Variants in PDE12 observed in about 807,000 individuals in gnomAD.
The protein encoded by PDE12 is phosphodiesterase 12.
Under a neutral mutation model 45.4 loss-of-function variants are expected in PDE12, and 26 were observed. The ratio of observed to expected loss-of-function variants is 0.57; its 90% CI spans 0.42 to 0.79. The LOEUF (loss-of-function observed/expected upper bound fraction) is 0.79, where lower values mean the gene tolerates loss of function less well. Ranked by LOEUF, PDE12 falls within the 30% of genes least tolerant of loss-of-function variation. The pLI, the probability that PDE12 is intolerant of heterozygous loss-of-function variation, is 0.00. For missense variants in PDE12, 668 were observed against 790.0 expected (o/e 0.85, Z 1.85); for synonymous variants, 283 against 323.9 (o/e 0.87, Z 1.36).
At chr3:57,597,025 G>A in the PDE12 span, 3 of 1,595,144 alleles carry the variant, frequency 1.9e-6, no homozygotes, top group Non-Finnish European at 2.6e-6. Context: ...CCCAATTGTG[G>A]AGACCCTGCC....
chr3:57,584,538 T>A, the PDE12 span: 1 of 1,340,812 alleles, frequency 7.5e-7, no homozygotes, highest in Non-Finnish European at 1.1e-6. Flanking sequence ...AATAAATTTA[T>A]AGTTCAAAAC....
chr3:57,618,627 T>G, the PDE12 span, among the ~76,000 whole-genome samples: 10 of 136,908 alleles, frequency 7.3e-5, no homozygotes, highest in Admixed American at 4.9e-4. Context: ...TTTTTTTTTT[T>G]GAGATGGAGT....
the PDE12 span, among the ~76,000 whole-genome samples, chr3:57,590,290 G>C: frequency 6.6e-6 from 1 of 151,550 alleles, no homozygotes; most frequent in Admixed American, 6.6e-5. Context: ...TTTGAGACCA[G>C]CCTGGCCAAG....
At chr3:57,648,785 AAATGGTGCTGAGAT>A in the PDE12 span, among the ~76,000 whole-genome samples, 1 of 152,218 alleles carries the variant, frequency 6.6e-6, no homozygotes, top group African/African-American at 2.4e-5. Context: ...CCTATTTAAC[AAATGGTGCTGAGAT>A]AATTGGCAAG....
At position 57,556,956 on chromosome 3, in the gene PDE12, T is replaced by G; in HGVS notation, c.577T>G (p.Ser193Ala). 3 of 1,614,104 alleles carry G rather than the reference T, an allele frequency of 1.9e-6. No individual in the cohort carries two copies. The highest frequency in any genetic ancestry group is 2.5e-6 in the Non-Finnish European group (3 of 1,180,014). Residue 193 changes from serine (S) to alanine (A), a missense_variant, in exon 1 of 3, where the codon TCC becomes GCC. This residue lies in a region of PDE12 where 580 missense variants were observed against 662.9 expected (regional missense o/e 0.87). Coordinates refer to ENST00000311180, the MANE Select transcript of PDE12 (RefSeq NM_177966.7). This position sits in a 1 kb window ranked among gnomAD's most constrained non-coding sequence, Gnocchi z 5.0. The part of the protein sequence containing the change: ...LSLEFGDPAS[S>A]LFRWYKEAKP... ...CCTCGAATTTGGGGATCCCGCCAGCTCCCTTTTCCGCTGGTATAAGGAAGC... is the reference window on the plus strand; with the variant it reads ...CCTCGAATTTGGGGATCCCGCCAGCGCCCTTTTCCGCTGGTATAAGGAAGC...
the PDE12 span, chr3:57,572,416 T>C: frequency 3.9e-5 from 28 of 725,238 alleles, no homozygotes; most frequent in Non-Finnish European, 6.1e-5. Flanking sequence ...CACAAAACTC[T>C]CCCATATTTA....
chr3:57,604,719 C>G, the PDE12 span, among the ~76,000 whole-genome samples: 1 of 149,934 alleles, frequency 6.7e-6, no homozygotes, highest in Non-Finnish European at 1.5e-5. Context: ...CTCAAGTGAT[C>G]CTCTTCCCTT....
rs1028465030 is a variant in PDE12, at chr3:57,560,272, ACT to A, written c.*272_*273del. On this transcript the variant is annotated 3_prime_UTR_variant, in exon 3 of 3. Transcript: ENST00000311180. Reference sequence around the variant, plus strand: ...TTGAATTATTTTTCTCCAAATTGAGACTCTCAGAAAAGGAAGATTGAATTAGC... The same window carrying A: ...TTGAATTATTTTTCTCCAAATTGAGACTCAGAAAAGGAAGATTGAATTAGC... The A allele has an allele frequency of 2.5e-6, 3 of 1,191,774 alleles. No individual in the cohort carries two copies. The Admixed American group carries it at 1.2e-4, about 49-fold the overall frequency. 73.8% of individuals were successfully genotyped at this position (1,191,774 alleles called of 1,614,324 possible).
chr3:57,584,265 T>C, the PDE12 span: 1 of 1,049,798 alleles, frequency 9.5e-7, no homozygotes, highest in South Asian at 1.5e-5. Flanking sequence ...ACCCGGCCTG[T>C]TTTAAAAGTA....
the PDE12 span, chr3:57,633,425 C>A: frequency 8.2e-7 from 1 of 1,224,756 alleles, no homozygotes; most frequent in South Asian, 1.3e-5. Context: ...CTATCAGATT[C>A]AATTGCTATG....
the PDE12 span, among the ~76,000 whole-genome samples, chr3:57,575,933 C>A: frequency 6.6e-6 from 1 of 151,934 alleles, no homozygotes; most frequent in Non-Finnish European, 1.5e-5. Context: ...GCAAATCACT[C>A]ATCATTCAGC....
the PDE12 span, chr3:57,646,450 T>G: frequency 6.2e-7 from 1 of 1,600,584 alleles, no homozygotes; most frequent in South Asian, 1.1e-5. Flanking sequence ...TGAAAGGTGA[T>G]GCACAGTAGA....
At chr3:57,573,138 C>T in the PDE12 span, among the ~76,000 whole-genome samples, 1 of 148,002 alleles carries the variant, frequency 6.8e-6, no homozygotes, top group Admixed American at 6.8e-5. Flanking sequence ...GAAGGCAGAG[C>T]TTGCAGTGAG....
the PDE12 span, among the ~76,000 whole-genome samples, chr3:57,655,908 A>G: frequency 5.9e-5 from 9 of 152,246 alleles, no homozygotes; most frequent in Non-Finnish European, 1.2e-4. Flanking sequence ...TGAACTCTAT[A>G]TTAATTTATG....
chr3:57,562,837 C>G lies in PDE12; in HGVS notation c.*2833C>G, dbSNP rs574776161. ...TATGTTCTTTTTGAAATTCTGTATG[C>G]TAAAATCAGTTGTTTCAAAATTTCA... On this transcript the variant is annotated 3_prime_UTR_variant, in exon 3 of 3. Transcript: ENST00000311180. The G allele has an allele frequency of 5.3e-5, 8 of 152,242 alleles. 1 individual carries two copies. The South Asian group carries it at 1.7e-3, about 32-fold the overall frequency. The allele number at this position is 152,242 out of a possible 1,614,324, so 9.4% of individuals were successfully genotyped here.
At position 57,561,255 on chromosome 3, in the gene PDE12, T is replaced by C; in HGVS notation, c.*1251T>C. 1.0e-6 allele frequency: 1 copy of C among 985,622 alleles called. No homozygotes were observed. The highest frequency in any genetic ancestry group is 1.2e-6 in the Non-Finnish European group (1 of 829,746). The allele number at this position is 985,622 out of a possible 1,614,324, so 61.1% of individuals were successfully genotyped here. A position where few individuals can be genotyped will look rare whatever the true frequency, so the allele number is the denominator to read the frequency against. ...TACCTACTGATATGGGCTTGAAATT[T>C]TGGATGAATCATTGAGCATTTCTAC... On this transcript the variant is annotated 3_prime_UTR_variant, in exon 3 of 3. Coordinates refer to ENST00000311180, the MANE Select transcript of PDE12 (RefSeq NM_177966.7).
chr3:57,612,428 A>G, the PDE12 span, among the ~76,000 whole-genome samples: 4 of 152,152 alleles, frequency 2.6e-5, no homozygotes, highest in African/African-American at 9.7e-5. Context: ...GTAACCACTA[A>G]AATAATAAAA....
At chr3:57,631,087 G>T in the PDE12 span, 1 of 890,302 alleles carries the variant, frequency 1.1e-6, no homozygotes, top group East Asian at 2.5e-5. Context: ...CCTTTCAATG[G>T]ACAGCAACAA....
the PDE12 span, among the ~76,000 whole-genome samples, chr3:57,572,833 C>T: frequency 1.3e-5 from 2 of 152,164 alleles, no homozygotes. Context: ...AACTAATAAA[C>T]TACCCATCTG....
Sources: allele counts gnomAD v4.1 joint callset (sites outside exome capture counted in the v4.1 genomes callset), GRCh38; gene constraint gnomAD v4.1.1; regional missense constraint gnomAD v4.1.1; non-coding constraint Gnocchi (gnomAD v3.1); transcripts MANE v1.5; gene names NCBI Gene and HGNC (gene_info 2026-07-23, HGNC 2026-07-21).